The following MTMR8 variants were observed in gnomAD, a reference collection of about 807,000 sequenced individuals.
MTMR8 encodes the protein phosphatidylinositol-3,5-bisphosphate 3-phosphatase MTMR8.
In MTMR8, 65 loss-of-function variants were observed where a neutral mutation model predicts 39.3. The ratio of observed to expected loss-of-function variants is 1.65; its 90% CI spans 1.35 to 2.03. The LOEUF (loss-of-function observed/expected upper bound fraction) is 2.03, where lower values mean the gene tolerates loss of function less well. Among genes scored for constraint, MTMR8 ranks in the 30% most tolerant of loss-of-function variants. The pLI, the probability that MTMR8 is intolerant of heterozygous loss-of-function variation, is 0.00. For synonymous variants in MTMR8, 245 were observed against 185.2 expected (o/e 1.32, Z -2.62); for missense variants, 777 against 538.9 (o/e 1.44, Z -4.37).
At chrX:64,388,378 G>T (rs1326016421) in intron 1 of MTMR8, among the ~76,000 whole-genome samples, 1 of 111,986 alleles carries the variant, frequency 8.9e-6, no homozygotes, top group African/African-American at 3.2e-5. Context: ...TCTAATTTAG[G>T]TCTCTTCTTT....
intron 4 of MTMR8, among the ~76,000 whole-genome samples, chrX:64,350,800 G>A (rs183638791): frequency 2.7e-5 from 3 of 111,221 alleles, no homozygotes; most frequent in Non-Finnish European, 5.7e-5. Context: ...TCAGCTTTTA[G>A]TGGTTACCAA....
rs1039722821 is a variant in MTMR8, at chrX:64,302,266, T to A, written c.1481+26506A>T. Among the ~76,000 whole-genome samples the A allele has an allele frequency of 6.2e-5, 7 of 112,563 alleles. No homozygotes were observed. In the Admixed American group the frequency reaches 6.5e-4, roughly 10 times the overall value. On this transcript the variant is annotated intron_variant, in intron 12 of 13. Transcript: ENST00000374852. ...GAGCCAGGTGTGGGATATAGTCTCA[T>A]GGTGCGCCGTTTTTTAAGCCGGTCT...
chrX:64,335,485 C>T (rs943996363), intron 10 of MTMR8, among the ~76,000 whole-genome samples: 1 of 112,185 alleles, frequency 8.9e-6, no homozygotes, highest in Admixed American at 9.4e-5. Context: ...ATATAATATA[C>T]AGCACATTGT....
chrX:64,371,280 C>G (rs1241110964), intron 1 of MTMR8, among the ~76,000 whole-genome samples: 2 of 112,144 alleles, frequency 1.8e-5, no homozygotes, highest in Non-Finnish European at 3.8e-5. Context: ...AGAACATGAA[C>G]AGATAATTCA....
intron 1 of MTMR8, among the ~76,000 whole-genome samples, chrX:64,369,236 C>A (rs1269160807): frequency 9.0e-6 from 1 of 111,491 alleles, no homozygotes; most frequent in African/African-American, 3.3e-5. Context: ...ACTAGAAATA[C>A]CATTTGACCC....
intron 1 of MTMR8, among the ~76,000 whole-genome samples, chrX:64,392,142 C>T (rs527262144): frequency 9.0e-6 from 1 of 111,641 alleles, no homozygotes; most frequent in African/African-American, 3.3e-5. Context: ...TAGATCTGTT[C>T]TCATACATAG....
chrX:64,373,916 A>G (rs60832034), intron 1 of MTMR8, among the ~76,000 whole-genome samples: 9,311 of 111,460 alleles, frequency 0.084, 1,000 homozygotes, highest in African/African-American at 0.29. Context: ...TCAAAGAAAA[A>G]AAGCCAAATG....
At chrX:64,283,594 C>A (rs1313634042) in intron 12 of MTMR8, among the ~76,000 whole-genome samples, 1 of 112,038 alleles carries the variant, frequency 8.9e-6, no homozygotes, top group Non-Finnish European at 1.9e-5. Context: ...AGACTGACAC[C>A]TCACACAGCT....
chrX:64,320,945 A>G (rs1331188144), intron 12 of MTMR8, among the ~76,000 whole-genome samples: 1 of 111,981 alleles, frequency 8.9e-6, no homozygotes, highest in Non-Finnish European at 1.9e-5. Flanking sequence ...CTGCGAAATC[A>G]CTATCTGAGA....
intron 12 of MTMR8, among the ~76,000 whole-genome samples, chrX:64,284,615 C>A (rs1921085108): frequency 8.9e-6 from 1 of 112,112 alleles, no homozygotes; most frequent in African/African-American, 3.2e-5. Context: ...ATCACACTAA[C>A]AGAGAATCTC....
chrX:64,339,817 T>C (rs2147225135), intron 8 of MTMR8, among the ~76,000 whole-genome samples: 1 of 109,112 alleles, frequency 9.2e-6, no homozygotes, highest in African/African-American at 3.3e-5. Flanking sequence ...GTAAGGATAA[T>C]AGTGAGAAGA....
rs372424715 is a variant in MTMR8 at position 64,337,338 on chromosome X, C to T, written c.1031G>A (p.Arg344His). The T allele has an allele frequency of 1.1e-4, 134 of 1,206,400 alleles. No individual in the cohort carries two copies. The highest frequency in any genetic ancestry group is 1.1e-3 in the East Asian group (37 of 33,612). The change falls in exon 9 of 14, where the codon CGC becomes CAC. Residue 344 changes from arginine (R) to histidine (H), a missense_variant. Arg to His is a conservative substitution (Grantham distance 29, BLOSUM62 0). Transcript: ENST00000374852. The stretch of plus-strand genomic sequence containing the variant: ...AGCCACTGAGCAGACTTGTGCTGTG[C>T]GGTCCCATCCATCAGAACAATGGAC... The part of the protein sequence containing the change: ...VLVHCSDGWD[R>H]TAQVCSVASI...
Position 64,268,346 on chromosome X carries a change from AC to A in MTMR8, c.*190del, listed in dbSNP as rs747472580. 8 of 452,613 alleles carry A rather than the reference AC, an allele frequency of 1.8e-5. No homozygotes were observed. Among genetic ancestry groups the A allele is most frequent in the Non-Finnish European group, 3.0e-5 (8 of 271,083 alleles). 37.3% of individuals were successfully genotyped at this position (452,613 alleles called of 1,213,427 possible). ...ATAACATATTCTTTCTCTTGCCTAC[AC>A]TCTGTACTGCTTAATATGAACATAT... On this transcript the variant is annotated 3_prime_UTR_variant, in exon 14 of 14. Transcript: ENST00000374852.
intron 1 of MTMR8, among the ~76,000 whole-genome samples, chrX:64,365,481 C>G (rs892988757): frequency 8.9e-6 from 1 of 111,871 alleles, no homozygotes; most frequent in African/African-American, 3.3e-5. Flanking sequence ...AAAGAATTTT[C>G]AACCCAGAAT....
At chrX:64,349,156 G>A (rs756166833) in intron 5 of MTMR8, among the ~76,000 whole-genome samples, 4 of 111,605 alleles carry the variant, frequency 3.6e-5, no homozygotes, top group East Asian at 2.8e-4. Context: ...ATAAGCTTGC[G>A]GAGGCAGCAG....
chrX:64,268,657 G>T lies in MTMR8; in HGVS notation c.1995C>A (p.Gly665=), dbSNP rs754787644. The T allele has an allele frequency of 8.3e-7, 1 of 1,211,713 alleles. No homozygotes were observed. Among genetic ancestry groups the T allele is most frequent in the Non-Finnish European group, 1.1e-6 (1 of 895,503 alleles). Residue 665 remains glycine, a synonymous_variant, in exon 14 of 14, where the codon GGC becomes GGA. Transcript: ENST00000374852. The part of the protein sequence containing the change: ...CGAMDISEAT[G]ISGNLGISEA... ...CAGAAATACCCAAGTTTCCAGAGAT[G>T]CCAGTGGCCTCAGAGATGTCCATGG...
rs756327221 is a variant in MTMR8, at chrX:64,291,495, C to A, written c.1482-20422G>T. On this transcript the variant is annotated intron_variant, in intron 12 of 13. Transcript: ENST00000374852. ...GTGCTGGCCTCTACACTCATGCTAA[C>A]CTGTCAAAGTGTTGCCTGCTGAACA... 9.0e-5 allele frequency among the ~76,000 whole-genome samples: 10 copies of A among 110,887 alleles called. No individual in the cohort carries two copies. In the South Asian group the frequency reaches 3.1e-3, roughly 35 times the overall value.
intron 13 of MTMR8, among the ~76,000 whole-genome samples, chrX:64,270,440 G>T (rs778464083): frequency 1.8e-5 from 2 of 111,904 alleles, no homozygotes; most frequent in Non-Finnish European, 3.8e-5. Flanking sequence ...CTCAGTTTAT[G>T]AAATCAACAA....
intron 12 of MTMR8, among the ~76,000 whole-genome samples, chrX:64,291,529 A>T (rs1359932308): frequency 9.2e-6 from 1 of 108,957 alleles, no homozygotes; most frequent in Non-Finnish European, 1.9e-5. Flanking sequence ...CACCCCACAC[A>T]CCCCTCAAAA....
Sources: allele counts gnomAD v4.1 joint callset (sites outside exome capture counted in the v4.1 genomes callset), GRCh38; gene constraint gnomAD v4.1.1; transcripts MANE v1.5; gene names NCBI Gene and HGNC (gene_info 2026-07-23, HGNC 2026-07-21).